ST3GAL3: variants seen among roughly 807,000 people sequenced by gnomAD.
ST3GAL3 encodes the protein CMP-N-acetylneuraminate-beta-1,4-galactoside alpha-2,3-sialyltransferase.
Under a neutral mutation model 50.1 loss-of-function variants are expected in ST3GAL3, and 21 were observed. The observed-to-expected ratio is 0.42, with a 90% CI of 0.30 to 0.60. The LOEUF (loss-of-function observed/expected upper bound fraction) is 0.60. ST3GAL3 is among the 20% of genes least tolerant of loss of function. The pLI is 0.19. For missense variants in ST3GAL3, 353 were observed against 489.4 expected (o/e 0.72, Z 2.63); for synonymous variants, 183 against 190.0 (o/e 0.96, Z 0.30).
At chr1:43,744,093 C>T (rs796297360) in intron 2 of ST3GAL3, among the ~76,000 whole-genome samples, 6 of 152,244 alleles carry the variant, frequency 3.9e-5, no homozygotes, top group African/African-American at 1.4e-4. Flanking sequence ...TCCTTGCATA[C>T]CTTGTTTGAT....
chr1:43,824,740 G>T, intron 4 of ST3GAL3: 1 of 1,613,994 alleles, frequency 6.2e-7, no homozygotes, highest in Middle Eastern at 1.6e-4. Context: ...GCTCACCGAG[G>T]ACTCTCTGCA....
At chr1:43,755,489 A>C (rs1558155616) in intron 2 of ST3GAL3, among the ~76,000 whole-genome samples, 2 of 152,188 alleles carry the variant, frequency 1.3e-5, no homozygotes, top group Non-Finnish European at 2.9e-5. Flanking sequence ...TAGCTCAGCA[A>C]GTCTTTTATT....
intron 1 of ST3GAL3, among the ~76,000 whole-genome samples, chr1:43,708,939 G>A (rs1040421341): frequency 1.3e-5 from 2 of 152,204 alleles, no homozygotes; most frequent in Non-Finnish European, 2.9e-5. Context: ...GCTCTAATGG[G>A]CCTATAATAT....
chr1:43,805,713 A>G (rs2154167855), intron 3 of ST3GAL3, among the ~76,000 whole-genome samples: 1 of 152,244 alleles, frequency 6.6e-6, no homozygotes, highest in South Asian at 2.1e-4. Flanking sequence ...AGGTCTACAT[A>G]GGGAGGACAA....
At chr1:43,850,037 T>G (rs2066987275) in intron 5 of ST3GAL3, among the ~76,000 whole-genome samples, 1 of 152,256 alleles carries the variant, frequency 6.6e-6, no homozygotes, top group Non-Finnish European at 1.5e-5. Context: ...ATTTTTATTT[T>G]TCTAGAATAA....
intron 3 of ST3GAL3, among the ~76,000 whole-genome samples, chr1:43,794,343 A>C (rs1558327164): frequency 6.6e-6 from 1 of 152,234 alleles, no homozygotes; most frequent in Non-Finnish European, 1.5e-5. Context: ...GCAAAATGCA[A>C]ATTAGAATCC....
chr1:43,825,911 A>G (rs1245153504), intron 4 of ST3GAL3, among the ~76,000 whole-genome samples: 1 of 152,174 alleles, frequency 6.6e-6, no homozygotes, highest in African/African-American at 2.4e-5. Context: ...AGCCAAAAAT[A>G]GAGAAAGAGA....
intron 5 of ST3GAL3, among the ~76,000 whole-genome samples, chr1:43,856,378 C>T (rs2068379446): frequency 6.6e-6 from 1 of 152,188 alleles, no homozygotes; most frequent in African/African-American, 2.4e-5. Flanking sequence ...AAGCTAACGA[C>T]TTGCTCAAGG....
At chr1:43,911,152 T>C (rs1369589512) in intron 9 of ST3GAL3, 1 of 151,996 alleles carries the variant, frequency 6.6e-6, no homozygotes, top group African/African-American at 2.4e-5. Context: ...CTTCTTTTTT[T>C]TTTTTTTGAG....
intron 2 of ST3GAL3, among the ~76,000 whole-genome samples, chr1:43,780,698 T>C (rs898383728): frequency 6.6e-6 from 1 of 151,912 alleles, no homozygotes; most frequent in Non-Finnish European, 1.5e-5. Context: ...ATGTGTTTCA[T>C]TTTCCAGGGT....
At chr1:43,818,302 A>G (rs2061668236) in intron 4 of ST3GAL3, among the ~76,000 whole-genome samples, 1 of 152,220 alleles carries the variant, frequency 6.6e-6, no homozygotes, top group Non-Finnish European at 1.5e-5. Context: ...TGCAAGAACA[A>G]TTACCAAAGT....
intron 4 of ST3GAL3, among the ~76,000 whole-genome samples, chr1:43,816,198 C>T (rs1407590283): frequency 6.6e-6 from 1 of 152,172 alleles, no homozygotes; most frequent in African/African-American, 2.4e-5. Context: ...AGACCTTTTC[C>T]ACAGTTGACT....
chr1:43,767,854 G>A (rs1431307055), intron 2 of ST3GAL3, among the ~76,000 whole-genome samples: 1 of 150,498 alleles, frequency 6.6e-6, no homozygotes. Flanking sequence ...ATCAAAACTT[G>A]TCAAAACTTG....
chr1:43,783,213 C>T (rs1362846067), intron 2 of ST3GAL3, among the ~76,000 whole-genome samples: 2 of 152,218 alleles, frequency 1.3e-5, no homozygotes, highest in Non-Finnish European at 2.9e-5. Context: ...CATGCCTTGT[C>T]TGCTGTGCTG....
chr1:43,780,489 A>G (rs1481918638), intron 2 of ST3GAL3, among the ~76,000 whole-genome samples: 4 of 152,100 alleles, frequency 2.6e-5, no homozygotes, highest in Non-Finnish European at 5.9e-5. Context: ...TATTCTTTTC[A>G]GCATTTTCTC....
intron 5 of ST3GAL3, among the ~76,000 whole-genome samples, chr1:43,857,642 G>A (rs2068843850): frequency 9.2e-6 from 1 of 108,966 alleles, no homozygotes; most frequent in African/African-American, 4.0e-5. Flanking sequence ...CTTCCTCGGA[G>A]TCTTGCTCTG....
At chr1:43,778,249 G>A (rs537571840) in intron 2 of ST3GAL3, among the ~76,000 whole-genome samples, 2 of 152,282 alleles carry the variant, frequency 1.3e-5, no homozygotes, top group East Asian at 3.9e-4. Flanking sequence ...GACACATGGT[G>A]AGAACAACAC....
intron 5 of ST3GAL3, among the ~76,000 whole-genome samples, chr1:43,854,151 A>G (rs2067887885): frequency 1.3e-5 from 2 of 152,200 alleles, no homozygotes. Context: ...CTACTTCTGC[A>G]GAATCGTTGT....
At chr1:43,778,734 C>T (rs1456509537) in intron 2 of ST3GAL3, among the ~76,000 whole-genome samples, 1 of 149,282 alleles carries the variant, frequency 6.7e-6, no homozygotes, top group Non-Finnish European at 1.5e-5. Context: ...CAAGCTCCGC[C>T]TCCCGGGTTC....
Sources: allele counts gnomAD v4.1 joint callset (sites outside exome capture counted in the v4.1 genomes callset), GRCh38; gene constraint gnomAD v4.1.1; transcripts MANE v1.5; gene names NCBI Gene and HGNC (gene_info 2026-07-23, HGNC 2026-07-21).